Variants in NAV2 observed in about 807,000 individuals in gnomAD.
NAV2 encodes helicase, APC down-regulated 1.
In NAV2, 54 loss-of-function variants were observed where a neutral mutation model predicts 223.2. That is an observed-to-expected ratio of 0.24 (90% CI 0.19 to 0.30). The LOEUF (loss-of-function observed/expected upper bound fraction) is 0.30, where lower values mean the gene tolerates loss of function less well. Ranked by LOEUF, NAV2 falls within the 10% of genes least tolerant of loss-of-function variation. The probability of loss-of-function intolerance (pLI) is 1.00; values close to 1 mark genes in which losing one functional copy is unlikely to be tolerated. For synonymous variants in NAV2, 1,279 were observed against 1,239.3 expected, an observed-to-expected ratio of 1.03 and a Z score of -0.67; for missense variants, 2,806 against 3,147.5, an observed-to-expected ratio of 0.89 and a Z score of 2.60.
chr11:19,578,806 C>T (rs978803277), intron 1 of NAV2, among the ~76,000 whole-genome samples: 10 of 152,118 alleles, frequency 6.6e-5, no homozygotes, highest in Admixed American at 2.6e-4. Flanking sequence ...TCATGCAGAG[C>T]GGATGACCCT....
rs533501019 is a variant in NAV2, at chr11:19,875,769, T to C, written c.512-4100T>C. On this transcript the variant is annotated intron_variant, in intron 4 of 37. Transcript: ENST00000349880. ...TGAAATTATAACTCAGTAAAACTGT[T>C]TTTAAAACCAGAAAGATTACCATTG... 3.3e-5 allele frequency among the ~76,000 whole-genome samples: 5 copies of C among 152,340 alleles called. No individual in the cohort carries two copies. In the South Asian group the frequency reaches 1.0e-3, roughly 32 times the overall value.
chr11:19,390,700 G>T (rs1171250423), intron 1 of NAV2, among the ~76,000 whole-genome samples: 1 of 152,140 alleles, frequency 6.6e-6, no homozygotes, highest in Admixed American at 6.6e-5. Flanking sequence ...AGTGGTGAAG[G>T]GGAGGGGAGG....
At chr11:19,588,658 G>T (rs534830105) in intron 1 of NAV2, among the ~76,000 whole-genome samples, 1 of 152,240 alleles carries the variant, frequency 6.6e-6, no homozygotes, top group South Asian at 2.1e-4. Context: ...GATCACTGGA[G>T]GCAGAATGAA....
intron 1 of NAV2, among the ~76,000 whole-genome samples, chr11:19,749,597 T>C (rs2152493449): frequency 6.6e-6 from 1 of 152,264 alleles, no homozygotes; most frequent in Middle Eastern, 3.4e-3. Flanking sequence ...CCAAAAATGT[T>C]AGGACAGGGA....
In NAV2 at chr11:19,500,372, C is replaced by T. The variant is rs915204188; in HGVS notation, c.75+149345C>T. Among the ~76,000 whole-genome samples the T allele has an allele frequency of 2.7e-4, 41 of 152,304 alleles. 1 individual carries two copies. Among genetic ancestry groups the T allele is most frequent in the Middle Eastern group, 3.4e-3 (1 of 294 alleles). ...GCTAGACTCATAAGTGAAATAAATA[C>T]TTCTTGTTTTTAGATACAGACTTTT... On this transcript the variant is annotated intron_variant, in intron 1 of 37. Transcript: ENST00000360655.
At chr11:19,917,975 A>G (rs755909349) in intron 6 of NAV2, among the ~76,000 whole-genome samples, 1 of 152,162 alleles carries the variant, frequency 6.6e-6, no homozygotes. Flanking sequence ...TAGCTTCCCC[A>G]TTGGACAGAC....
chr11:20,036,283 C>A (rs1344091261), intron 12 of NAV2, among the ~76,000 whole-genome samples, 186 bp downstream of exon 12: 3 of 152,220 alleles, frequency 2.0e-5, no homozygotes, highest in Non-Finnish European at 4.4e-5. Flanking sequence ...AGGGGTCAGG[C>A]AGCGGATGGT....
chr11:19,961,189 G>C (rs534127294), intron 10 of NAV2, among the ~76,000 whole-genome samples: 1 of 151,962 alleles, frequency 6.6e-6, no homozygotes, highest in African/African-American at 2.4e-5. Context: ...GGCTCAAGCA[G>C]TCCTCCCACC....
intron 1 of NAV2, among the ~76,000 whole-genome samples, chr11:19,559,924 C>T (rs2045038987): frequency 6.6e-6 from 1 of 152,170 alleles, no homozygotes; most frequent in Admixed American, 6.5e-5. Context: ...GATGGACAGC[C>T]TGGAGTGCTG....
intron 8 of NAV2, among the ~76,000 whole-genome samples, chr11:19,940,461 A>G (rs1421660195): frequency 6.6e-6 from 1 of 152,186 alleles, no homozygotes; most frequent in Non-Finnish European, 1.5e-5. Context: ...CCAGGCTGCT[A>G]TCTTCTCTGT....
intron 1 of NAV2, among the ~76,000 whole-genome samples, chr11:19,738,344 C>G (rs1046269517): frequency 4.6e-5 from 7 of 152,360 alleles, no homozygotes; most frequent in African/African-American, 1.2e-4. Context: ...CCAGCAGGAG[C>G]CTGTCAGCCT....
chr11:19,352,090 C>G (rs1214350783), intron 1 of NAV2, among the ~76,000 whole-genome samples: 2 of 152,010 alleles, frequency 1.3e-5, no homozygotes, highest in Non-Finnish European at 2.9e-5. Flanking sequence ...AATATTGACT[C>G]CATTCCTAAC....
intron 6 of NAV2, among the ~76,000 whole-genome samples, chr11:19,918,274 T>C (rs2043976267): frequency 6.6e-6 from 1 of 152,252 alleles, no homozygotes. Flanking sequence ...CTGGAGAAAG[T>C]TTGCCATTTG....
intron 11 of NAV2, among the ~76,000 whole-genome samples, chr11:19,999,217 C>T (rs928410451): frequency 2.6e-5 from 4 of 152,204 alleles, no homozygotes; most frequent in Admixed American, 6.5e-5. Flanking sequence ...GCTGTTGTGG[C>T]ACACAGTGAA....
chr11:19,805,239 C>G (rs573405774), intron 1 of NAV2, among the ~76,000 whole-genome samples: 2 of 152,298 alleles, frequency 1.3e-5, no homozygotes, highest in Non-Finnish European at 1.5e-5. Context: ...TCAGCAAAGC[C>G]AGGCATATGT....
chr11:19,727,184 G>A (rs1437498963), intron 1 of NAV2, among the ~76,000 whole-genome samples: 2 of 152,186 alleles, frequency 1.3e-5, no homozygotes, highest in African/African-American at 4.8e-5. Flanking sequence ...TCTTCAACCT[G>A]GGAGTGCAGC....
intron 11 of NAV2, among the ~76,000 whole-genome samples, chr11:20,024,522 C>A (rs964520061): frequency 2.0e-5 from 3 of 152,196 alleles, no homozygotes; most frequent in African/African-American, 7.2e-5. Flanking sequence ...TTAATGCTGA[C>A]CAAAGCTATT....
At chr11:19,454,321 C>T (rs973692381) in intron 1 of NAV2, among the ~76,000 whole-genome samples, 3 of 152,178 alleles carry the variant, frequency 2.0e-5, no homozygotes, top group Non-Finnish European at 2.9e-5. Context: ...CCACAGTCAG[C>T]TGCAAATAGC....
intron 1 of NAV2, among the ~76,000 whole-genome samples, chr11:19,399,066 A>G (rs1849580336): frequency 6.6e-6 from 1 of 152,208 alleles, no homozygotes; most frequent in Admixed American, 6.5e-5. Flanking sequence ...CTGCAAAAAG[A>G]GATGTTGAAT....
Sources: gnomAD v4.1 joint callset for allele counts (sites outside exome capture counted in the v4.1 genomes callset) on GRCh38, gnomAD v4.1.1 for gene constraint, MANE v1.5 for transcripts, NCBI Gene and HGNC (gene_info 2026-07-23, HGNC 2026-07-21) for gene names.